Variants in TANC2 observed in about 807,000 individuals in gnomAD.
The protein encoded by TANC2 is protein TANC2.
In TANC2, 26 loss-of-function variants were observed where a neutral mutation model predicts 210.5. The ratio of observed to expected loss-of-function variants is 0.12; its 90% CI spans 0.09 to 0.17. The LOEUF is 0.17. TANC2 is among the 10% of genes least tolerant of loss of function. TANC2 has a pLI of 1.00. For missense variants in TANC2, 2,129 were observed against 2,608.9 expected, an observed-to-expected ratio of 0.82 and a Z score of 4.01; for synonymous variants, 931 against 967.1, an observed-to-expected ratio of 0.96 and a Z score of 0.69.
At chr17:63,388,857 C>A in intron 16 of TANC2, 100 bp downstream of exon 16, 1 of 867,930 alleles carries the variant, frequency 1.2e-6, no homozygotes, top group Admixed American at 3.5e-5. Flanking sequence ...TTTGACTTGT[C>A]TTTCTTATTA....
intron 7 of TANC2, among the ~76,000 whole-genome samples, chr17:63,216,437 A>T (rs1486248204): frequency 6.6e-6 from 1 of 152,186 alleles, no homozygotes; most frequent in Non-Finnish European, 1.5e-5. Flanking sequence ...AGTAATAGTA[A>T]GTAAAGTGCA....
At chr17:63,349,789 A>G (rs1456400763) in intron 12 of TANC2, among the ~76,000 whole-genome samples, 1 of 152,146 alleles carries the variant, frequency 6.6e-6, no homozygotes, top group Non-Finnish European at 1.5e-5. Context: ...CAAAATCAAG[A>G]ACATAACACC....
Position 63,412,628 on chromosome 17 carries a change from A to C in TANC2, c.3899-52A>C, listed in dbSNP as rs1462737859. ...CCTTCTTTTTTTTTTTTTCACCTTC[A>C]TCCATTTTTTTTTCCTCTCCTACAA... On this transcript the variant is annotated intron_variant, in intron 23 of 27. Coordinates refer to ENST00000689528, the Ensembl canonical transcript of TANC2. The surrounding 1 kb of genome is among the most constrained non-coding windows in gnomAD (Gnocchi z 4.2). 26 of 1,412,934 alleles carry C rather than the reference A, an allele frequency of 1.8e-5. No homozygotes were observed. The highest frequency in any genetic ancestry group is 1.2e-4 in the Admixed American group (5 of 42,306). The allele number at this position is 1,412,934 out of a possible 1,614,324, so 87.5% of individuals were successfully genotyped here. A position where few individuals can be genotyped will look rare whatever the true frequency, so the allele number is the denominator to read the frequency against.
intron 5 of TANC2, among the ~76,000 whole-genome samples, chr17:63,170,073 C>T (rs142999864): frequency 0.014 from 2,045 of 149,098 alleles, 55 homozygotes; most frequent in African/African-American, 0.048. Flanking sequence ...GAGCGGAGAT[C>T]GCGCCACTGC....
intron 5 of TANC2, among the ~76,000 whole-genome samples, chr17:63,188,019 C>T (rs536371022): frequency 4.9e-4 from 75 of 152,240 alleles, no homozygotes; most frequent in African/African-American, 1.7e-3. Flanking sequence ...AAGACTTTAT[C>T]ACCAGTTGAC....
chr17:63,241,852 A>T (rs2042783211), intron 8 of TANC2, among the ~76,000 whole-genome samples: 1 of 152,216 alleles, frequency 6.6e-6, no homozygotes, highest in Non-Finnish European at 1.5e-5. Context: ...GGACATTGTT[A>T]CTCAGCTATA....
chr17:63,215,752 A>G (rs2042008109), intron 7 of TANC2, among the ~76,000 whole-genome samples: 1 of 150,912 alleles, frequency 6.6e-6, no homozygotes, highest in African/African-American at 2.4e-5. Context: ...TTATTTTATT[A>G]TTATTTTTTT....
At chr17:63,094,169 T>TA (rs2037303257) in intron 3 of TANC2, among the ~76,000 whole-genome samples, 1 of 152,156 alleles carries the variant, frequency 6.6e-6, no homozygotes, top group African/African-American at 2.4e-5. Flanking sequence ...TTTTTGTAGA[T>TA]ACCTTAGAAT....
At chr17:63,104,488 A>G (rs1271603450) in intron 4 of TANC2, among the ~76,000 whole-genome samples, 1 of 152,208 alleles carries the variant, frequency 6.6e-6, no homozygotes, top group Non-Finnish European at 1.5e-5. Context: ...TCAAAATTAT[A>G]AGGCACATAA....
chr17:63,058,178 G>A (rs1235398909), intron 2 of TANC2, among the ~76,000 whole-genome samples: 1 of 152,140 alleles, frequency 6.6e-6, no homozygotes, highest in African/African-American at 2.4e-5. Context: ...TTTCTCTAAT[G>A]ATGTGATATT....
chr17:63,028,653 T>C (rs1224978337), intron 2 of TANC2, among the ~76,000 whole-genome samples: 1 of 152,096 alleles, frequency 6.6e-6, no homozygotes, highest in Non-Finnish European at 1.5e-5. Flanking sequence ...TCTCCACTTT[T>C]CAGGAAGAAA....
chr17:62,976,726 G>A (rs1042210702), intron 1 of TANC2, among the ~76,000 whole-genome samples: 1 of 152,126 alleles, frequency 6.6e-6, no homozygotes, highest in African/African-American at 2.4e-5. Context: ...AAAAATTAAT[G>A]TACTTTATAT....
intron 4 of TANC2, among the ~76,000 whole-genome samples, chr17:63,127,977 G>C (rs1422962513): frequency 1.3e-5 from 2 of 152,134 alleles, no homozygotes; most frequent in African/African-American, 4.8e-5. Context: ...GGGTACTTCT[G>C]TTATTCCTGT....
chr17:63,005,895 T>TG (rs1491514659), intron 1 of TANC2, among the ~76,000 whole-genome samples: 74 of 124,452 alleles, frequency 5.9e-4, no homozygotes, highest in African/African-American at 2.2e-3. Flanking sequence ...GGCTGTATAG[T>TG]TTGTGTGTGT....
intron 1 of TANC2, among the ~76,000 whole-genome samples, chr17:62,988,507 A>G (rs1034191045): frequency 1.3e-5 from 2 of 152,008 alleles, no homozygotes; most frequent in Non-Finnish European, 2.9e-5. Flanking sequence ...TCACACCATA[A>G]TGAGGTTTTC....
intron 9 of TANC2, among the ~76,000 whole-genome samples, chr17:63,294,897 G>A (rs1216973710): frequency 2.0e-5 from 3 of 152,130 alleles, no homozygotes; most frequent in African/African-American, 7.2e-5. Context: ...CCTTAGCTCA[G>A]CTATAGTTGG....
chr17:63,415,541 A>G (rs760125888), exon 26 of TANC2: 4 of 1,613,696 alleles, frequency 2.5e-6, no homozygotes, highest in Non-Finnish European at 3.4e-6. Flanking sequence ...GGTAAAGTAA[A>G]GGAAGCTGCC....
intron 4 of TANC2, among the ~76,000 whole-genome samples, chr17:63,100,109 G>A (rs1176388231): frequency 6.6e-6 from 1 of 152,106 alleles, no homozygotes; most frequent in African/African-American, 2.4e-5. Context: ...TAGTATTGAT[G>A]GGTTCTAAGT....
rs187756892 is a variant in TANC2 at position 63,075,444 on chromosome 17, A to G, written c.139+1430A>G. Among the ~76,000 whole-genome samples the G allele has an allele frequency of 3.3e-5, 5 of 152,358 alleles. No homozygotes were observed. The East Asian group carries it at 9.6e-4, about 29-fold the overall frequency. On this transcript the variant is annotated intron_variant, in intron 3 of 27. Transcript: ENST00000689528. ...TCAATTTGAAGTCACCAGGAATTGTATCATTGTTAGAGTTAATTGATAGTA... is the reference window on the plus strand; with the variant it reads ...TCAATTTGAAGTCACCAGGAATTGTGTCATTGTTAGAGTTAATTGATAGTA...
Sources: gnomAD v4.1 joint callset for allele counts (sites outside exome capture counted in the v4.1 genomes callset) on GRCh38, gnomAD v4.1.1 for gene constraint, Gnocchi (gnomAD v3.1) non-coding constraint, MANE v1.5 for transcripts, NCBI Gene and HGNC (gene_info 2026-07-23, HGNC 2026-07-21) for gene names.